The following MRTFA variants were observed in gnomAD, a reference collection of about 807,000 sequenced individuals.
MRTFA encodes myocardin related transcription factor A.
Under a neutral mutation model 83.5 loss-of-function variants are expected in MRTFA, and 20 were observed. The observed-to-expected ratio is 0.24, with a 90% CI of 0.17 to 0.35. The LOEUF is 0.35. MRTFA is among the 10% of genes least tolerant of loss of function. MRTFA has a pLI of 1.00. For missense variants in MRTFA, 1,200 were observed against 1,224.7 expected (o/e 0.98, Z 0.30); for synonymous variants, 659 against 541.2 (o/e 1.22, Z -3.02).
chr22:40,463,589 T>C (rs1000095918), intron 3 of MRTFA, among the ~76,000 whole-genome samples: 1 of 152,044 alleles, frequency 6.6e-6, no homozygotes, highest in Non-Finnish European at 1.5e-5. Context: ...CCTAAAACTT[T>C]TTTAAAAACA....
rs550975030 is a variant in MRTFA at position 40,417,277 on chromosome 22, G to A, written c.2517+64C>T. On this transcript the variant is annotated intron_variant, in intron 13 of 14. Transcript: ENST00000355630. ...CCTATTCCTCCGGGTGGGGCTGTAG[G>A]AGCCTCAGCCCAGCAGCCTAGGGCA... is the stretch of plus-strand genomic sequence containing the variant. The A allele has an allele frequency of 5.2e-4, 807 of 1,563,116 alleles. 3 individuals carry two copies. The African/African-American group carries it at 1.0e-2, about 19-fold the overall frequency.
intron 1 of MRTFA, among the ~76,000 whole-genome samples, chr22:40,608,189 T>C (rs56102060): frequency 0.02 from 3,028 of 152,216 alleles, 91 homozygotes; most frequent in African/African-American, 0.068. Context: ...TTTTTATTTT[T>C]AGTAGGGACG....
At chr22:40,495,931 T>C (rs1251339557) in intron 3 of MRTFA, among the ~76,000 whole-genome samples, 1 of 151,212 alleles carries the variant, frequency 6.6e-6, no homozygotes, top group Non-Finnish European at 1.5e-5. Context: ...CCGGGTGTGG[T>C]GGCACACGCC....
At chr22:40,552,036 A>T (rs2055450755) in intron 3 of MRTFA, 70 bp downstream of exon 3, 3 of 396,786 alleles carry the variant, frequency 7.6e-6, no homozygotes, top group Non-Finnish European at 1.3e-5. Flanking sequence ...ATAAAGTAAG[A>T]ATCTGTAACA....
chr22:40,578,776 A>T (rs1419434969), intron 2 of MRTFA, among the ~76,000 whole-genome samples: 4 of 152,118 alleles, frequency 2.6e-5, no homozygotes, highest in Non-Finnish European at 5.9e-5. Context: ...TGCAAAAATT[A>T]GCTAGGTGTG....
chr22:40,604,208 G>A (rs561712193), intron 1 of MRTFA, among the ~76,000 whole-genome samples: 12 of 150,442 alleles, frequency 8.0e-5, no homozygotes, highest in South Asian at 4.2e-4. Flanking sequence ...TCGGCTCACT[G>A]CAAGCTCCGC....
chr22:40,628,231 G>C (rs2056602864), intron 1 of MRTFA, among the ~76,000 whole-genome samples: 1 of 152,168 alleles, frequency 6.6e-6, no homozygotes, highest in African/African-American at 2.4e-5. Flanking sequence ...TGAATCACAG[G>C]AAGGTTAAGG....
chr22:40,543,767 A>T (rs1020643840), intron 3 of MRTFA, among the ~76,000 whole-genome samples: 2 of 152,218 alleles, frequency 1.3e-5, no homozygotes, highest in African/African-American at 4.8e-5. Flanking sequence ...TTACAGTATA[A>T]TATTATAAAA....
chr22:40,588,363 A>G (rs1315499729), intron 2 of MRTFA, among the ~76,000 whole-genome samples: 1 of 152,130 alleles, frequency 6.6e-6, no homozygotes, highest in Non-Finnish European at 1.5e-5. Flanking sequence ...AACATTATCT[A>G]CTGATTTACC....
At position 40,519,377 on chromosome 22, in the gene MRTFA, T is replaced by C. The variant is rs961928508; in HGVS notation, c.241+32729A>G. The C allele has an allele frequency of 1.3e-5, 16 of 1,279,048 alleles. No homozygotes were observed. The Admixed American group carries it at 2.0e-4, about 16-fold the overall frequency. 79.2% of individuals were successfully genotyped at this position (1,279,048 alleles called of 1,614,324 possible). ...AACTCTTCTCAAACCTTGGAGGGTT[T>C]TGTGTAATATTTCATTTAGTCAGCT... is the stretch of plus-strand genomic sequence containing the variant. On this transcript the variant is annotated intron_variant, in intron 3 of 14. Transcript: ENST00000355630.
chr22:40,612,584 A>C (rs1238979211), intron 1 of MRTFA, among the ~76,000 whole-genome samples: 1 of 152,158 alleles, frequency 6.6e-6, no homozygotes, highest in Admixed American at 6.5e-5. Context: ...ACACATTTTG[A>C]GTGTACAGTT....
At chr22:40,613,361 G>A (rs193156078) in intron 1 of MRTFA, among the ~76,000 whole-genome samples, 12 of 152,254 alleles carry the variant, frequency 7.9e-5, no homozygotes, top group Admixed American at 7.9e-4. Flanking sequence ...ACACCTAAGA[G>A]TAGTATTGCT....
At chr22:40,606,349 T>C (rs1287557380) in intron 1 of MRTFA, among the ~76,000 whole-genome samples, 1 of 152,220 alleles carries the variant, frequency 6.6e-6, no homozygotes, top group Non-Finnish European at 1.5e-5. Flanking sequence ...ACTCAGTCAT[T>C]TGAAAAACAG....
chr22:40,489,167 C>CT (rs1386791567), intron 3 of MRTFA, among the ~76,000 whole-genome samples: 1 of 152,058 alleles, frequency 6.6e-6, no homozygotes, highest in Non-Finnish European at 1.5e-5. Context: ...CACTGGGTAT[C>CT]TTTGAGTATT....
chr22:40,575,279 A>G (rs1829709199), intron 2 of MRTFA, among the ~76,000 whole-genome samples: 1 of 152,204 alleles, frequency 6.6e-6, no homozygotes, highest in Non-Finnish European at 1.5e-5. Flanking sequence ...TGCATAGAGA[A>G]GATACTCAAA....
intron 3 of MRTFA, among the ~76,000 whole-genome samples, chr22:40,508,993 G>A (rs2054626156): frequency 6.6e-6 from 1 of 152,150 alleles, no homozygotes; most frequent in Non-Finnish European, 1.5e-5. Flanking sequence ...AAGAAAAGAT[G>A]GTAGACAGTA....
intron 3 of MRTFA, among the ~76,000 whole-genome samples, chr22:40,473,672 G>C (rs542903179): frequency 1.7e-3 from 254 of 152,294 alleles, no homozygotes; most frequent in African/African-American, 6.0e-3. Flanking sequence ...TTACCAGGAA[G>C]GTCAGAGAAG....
intron 4 of MRTFA, among the ~76,000 whole-genome samples, chr22:40,440,494 G>A (rs2053254881): frequency 6.6e-6 from 1 of 152,160 alleles, no homozygotes; most frequent in South Asian, 2.1e-4. Flanking sequence ...CTCTCTGATA[G>A]CAGATTCAGC....
intron 3 of MRTFA, among the ~76,000 whole-genome samples, chr22:40,483,601 C>T (rs1415078003): frequency 1.3e-5 from 2 of 151,472 alleles, no homozygotes; most frequent in Non-Finnish European, 2.9e-5. Context: ...AGGAGAATGG[C>T]ATGAACCCAG....
Sources: allele counts gnomAD v4.1 joint callset (sites outside exome capture counted in the v4.1 genomes callset), GRCh38; gene constraint gnomAD v4.1.1; transcripts MANE v1.5; gene names NCBI Gene and HGNC (gene_info 2026-07-23, HGNC 2026-07-21).